The following DCDC2 variants were observed in gnomAD, a reference collection of about 807,000 sequenced individuals.
DCDC2 encodes the protein doublecortin domain containing 2.
A neutral mutation model predicts 50.2 loss-of-function variants in DCDC2; 40 were observed. The observed-to-expected ratio is 0.80, with a 90% confidence interval of 0.62 to 1.04. The LOEUF is 1.04. DCDC2 is among the 50% of genes least tolerant of loss of function. The pLI is 0.00. For synonymous variants in DCDC2, 234 were observed against 210.6 expected, an observed-to-expected ratio of 1.11 and a Z score of -0.96; for missense variants, 570 against 581.9, an observed-to-expected ratio of 0.98 and a Z score of 0.21.
intron 7 of DCDC2, among the ~76,000 whole-genome samples, chr6:24,210,764 C>A (rs1367231436): frequency 6.6e-6 from 1 of 152,192 alleles, no homozygotes; most frequent in Non-Finnish European, 1.5e-5. Context: ...AGAAACTCTC[C>A]AACATTGTTC....
intron 2 of DCDC2, among the ~76,000 whole-genome samples, chr6:24,340,078 T>A (rs1183466568): frequency 1.3e-5 from 2 of 152,214 alleles, no homozygotes; most frequent in African/African-American, 2.4e-5. Flanking sequence ...GATTGCATTA[T>A]ATACATGTTC....
At chr6:24,183,426 G>C (rs1761127463) in intron 8 of DCDC2, among the ~76,000 whole-genome samples, 1 of 152,182 alleles carries the variant, frequency 6.6e-6, no homozygotes, top group Admixed American at 6.5e-5. Flanking sequence ...GCCCACACCA[G>C]GAAGTCGAGA....
At chr6:24,197,577 TATTA>T (rs1333554198) in intron 8 of DCDC2, among the ~76,000 whole-genome samples, 1 of 152,220 alleles carries the variant, frequency 6.6e-6, no homozygotes, top group East Asian at 1.9e-4. Context: ...TATGAAAAAT[TATTA>T]GTTATAGCTA....
chr6:24,185,417 A>G (rs2113745716), intron 8 of DCDC2, among the ~76,000 whole-genome samples: 1 of 152,360 alleles, frequency 6.6e-6, no homozygotes, highest in East Asian at 1.9e-4. Context: ...TGATCAATTT[A>G]AATAAGACGG....
At chr6:24,255,487 A>G (rs572573271) in intron 7 of DCDC2, among the ~76,000 whole-genome samples, 61 of 152,286 alleles carry the variant, frequency 4.0e-4, no homozygotes, top group Non-Finnish European at 7.9e-4. Context: ...CTACACAAAA[A>G]AGTCATTCAG....
chr6:24,378,717 C>G, the DCDC2 span, among the ~76,000 whole-genome samples: 1 of 152,162 alleles, frequency 6.6e-6, no homozygotes, highest in African/African-American at 2.4e-5. Flanking sequence ...ATTACATCTA[C>G]TTTCAGCTGT....
At chr6:24,181,599 A>G (rs1038382378) in intron 8 of DCDC2, among the ~76,000 whole-genome samples, 5 of 152,246 alleles carry the variant, frequency 3.3e-5, no homozygotes, top group Admixed American at 3.3e-4. Flanking sequence ...CATCAAAAGG[A>G]ATAAAACACT....
chr6:24,180,030 C>A (rs564414845), intron 8 of DCDC2, among the ~76,000 whole-genome samples: 27 of 150,804 alleles, frequency 1.8e-4, no homozygotes, highest in African/African-American at 6.6e-4. Flanking sequence ...TGGAGAAAAA[C>A]CCAGGTTCAA....
intron 7 of DCDC2, among the ~76,000 whole-genome samples, chr6:24,206,773 A>G (rs781774380): frequency 1.3e-5 from 2 of 152,272 alleles, no homozygotes; most frequent in African/African-American, 2.4e-5. Flanking sequence ...ATGGAAAATG[A>G]CAACCATAAG....
chr6:24,319,714 G>C (rs1029646244), intron 2 of DCDC2, among the ~76,000 whole-genome samples: 1 of 152,144 alleles, frequency 6.6e-6, no homozygotes, highest in Non-Finnish European at 1.5e-5. Flanking sequence ...TGTGCAAAAG[G>C]ACAGGATAAG....
chr6:24,274,160 T>C (rs1763298706), intron 7 of DCDC2, among the ~76,000 whole-genome samples: 1 of 152,232 alleles, frequency 6.6e-6, no homozygotes, highest in Non-Finnish European at 1.5e-5. Flanking sequence ...CAGGCCATTT[T>C]CTCTGCAGCC....
At chr6:24,380,784 A>G in the DCDC2 span, among the ~76,000 whole-genome samples, 3 of 152,214 alleles carry the variant, frequency 2.0e-5, no homozygotes, top group Non-Finnish European at 4.4e-5. Context: ...CAGCTTTATT[A>G]AGGTATAATT....
intron 5 of DCDC2, among the ~76,000 whole-genome samples, chr6:24,289,226 T>C (rs1457421798): frequency 6.6e-6 from 1 of 152,196 alleles, no homozygotes; most frequent in Non-Finnish European, 1.5e-5. Context: ...AAAAATCATT[T>C]CCAAATGTGA....
chr6:24,269,352 T>C (rs1763190615), intron 7 of DCDC2, among the ~76,000 whole-genome samples: 1 of 152,208 alleles, frequency 6.6e-6, no homozygotes, highest in South Asian at 2.1e-4. Flanking sequence ...GGAAAAAATG[T>C]CAATGCTTGC....
At chr6:24,324,462 T>C (rs1759824490) in intron 2 of DCDC2, among the ~76,000 whole-genome samples, 1 of 152,232 alleles carries the variant, frequency 6.6e-6, no homozygotes, top group African/African-American at 2.4e-5. Flanking sequence ...TTTATGATAC[T>C]GAGTGTGTCT....
the DCDC2 span, among the ~76,000 whole-genome samples, chr6:24,381,462 G>T: frequency 6.6e-6 from 1 of 152,164 alleles, no homozygotes. Flanking sequence ...GACAGAGATT[G>T]GTTTTTTAAA....
chr6:24,350,262 T>C (rs1760343177), intron 2 of DCDC2, among the ~76,000 whole-genome samples: 1 of 152,154 alleles, frequency 6.6e-6, no homozygotes, highest in Non-Finnish European at 1.5e-5. Flanking sequence ...AGGTGCCATC[T>C]TGTCTAAATT....
chr6:24,246,138 T>G (rs968231289), intron 7 of DCDC2, among the ~76,000 whole-genome samples: 1 of 151,822 alleles, frequency 6.6e-6, no homozygotes, highest in African/African-American at 2.4e-5. Context: ...GAGGATACAT[T>G]TAAGAAAATC....
the DCDC2 span, among the ~76,000 whole-genome samples, chr6:24,370,221 C>G: frequency 6.6e-6 from 1 of 151,928 alleles, no homozygotes; most frequent in Non-Finnish European, 1.5e-5. Context: ...ACTAGGATGG[C>G]TATAATAGTT....
Sources: allele counts gnomAD v4.1 joint callset (sites outside exome capture counted in the v4.1 genomes callset), GRCh38; gene constraint gnomAD v4.1.1; transcripts MANE v1.5; gene names NCBI Gene and HGNC (gene_info 2026-07-23, HGNC 2026-07-21).